Variants in SLCO1A2 observed in about 807,000 individuals in gnomAD.
The protein encoded by SLCO1A2 is OATP-1.
Under a neutral mutation model 69.0 loss-of-function variants are expected in SLCO1A2, and 67 were observed. The ratio of observed to expected loss-of-function variants is 0.97; its 90% CI spans 0.80 to 1.19. SLCO1A2 has a LOEUF of 1.19. Among genes scored for constraint, SLCO1A2 ranks in the 50% most tolerant of loss-of-function variants. The pLI, the probability that SLCO1A2 is intolerant of heterozygous loss-of-function variation, is 0.00. For missense variants in SLCO1A2, 787 were observed against 793.7 expected (o/e 0.99, Z 0.10); for synonymous variants, 260 against 265.9 (o/e 0.98, Z 0.22).
At chr12:21,389,947 C>T (rs1004822360) in intron 1 of SLCO1A2, among the ~76,000 whole-genome samples, 11 of 149,934 alleles carry the variant, frequency 7.3e-5, no homozygotes, top group African/African-American at 2.2e-4. Context: ...TACTAATATA[C>T]TTTTATGTTA....
chr12:21,410,489 A>G (rs1311866881), intron 1 of SLCO1A2, among the ~76,000 whole-genome samples: 2 of 152,206 alleles, frequency 1.3e-5, no homozygotes, highest in Non-Finnish European at 2.9e-5. Flanking sequence ...GTAGAATAGT[A>G]TACTGGGCAA....
intron 12 of SLCO1A2, among the ~76,000 whole-genome samples, chr12:21,291,866 G>A (rs1946910082): frequency 1.3e-5 from 2 of 151,994 alleles, no homozygotes; most frequent in Non-Finnish European, 2.9e-5. Context: ...CATTTTATAC[G>A]GCCTACCCTA....
chr12:21,298,883 G>A (rs1326748606), intron 8 of SLCO1A2, among the ~76,000 whole-genome samples: 4 of 152,066 alleles, frequency 2.6e-5, no homozygotes, highest in Non-Finnish European at 5.9e-5. Flanking sequence ...GACCAAAGAT[G>A]TATTAAATTA....
chr12:21,299,534 A>T (rs1948250896), intron 8 of SLCO1A2, among the ~76,000 whole-genome samples: 1 of 150,366 alleles, frequency 6.7e-6, no homozygotes, highest in Non-Finnish European at 1.5e-5. Context: ...CCCTCTACCA[A>T]GTATAGAGAG....
At chr12:21,360,808 T>C (rs1274490929) in intron 2 of SLCO1A2, among the ~76,000 whole-genome samples, 1 of 152,082 alleles carries the variant, frequency 6.6e-6, no homozygotes, top group Non-Finnish European at 1.5e-5. Flanking sequence ...CAGTCTGAGA[T>C]GGAACTGCAA....
chr12:21,394,545 A>T (rs1035136278), intron 1 of SLCO1A2, among the ~76,000 whole-genome samples: 4 of 128,872 alleles, frequency 3.1e-5, no homozygotes, highest in Admixed American at 1.6e-4. Flanking sequence ...CTGTCTCAAA[A>T]ATAACACACG....
At chr12:21,387,854 T>A (rs1940961901) in intron 1 of SLCO1A2, among the ~76,000 whole-genome samples, 1 of 152,018 alleles carries the variant, frequency 6.6e-6, no homozygotes, top group South Asian at 2.1e-4. Flanking sequence ...CACCAGCCCA[T>A]AAAATCAGCC....
intron 6 of SLCO1A2, among the ~76,000 whole-genome samples, chr12:21,303,158 A>G (rs1948930818): frequency 6.6e-6 from 1 of 152,156 alleles, no homozygotes; most frequent in Non-Finnish European, 1.5e-5. Flanking sequence ...CTACATATAT[A>G]TAGTACTAAT....
intron 1 of SLCO1A2, among the ~76,000 whole-genome samples, chr12:21,381,688 T>C (rs1170841919): frequency 1.3e-5 from 2 of 151,922 alleles, no homozygotes; most frequent in African/African-American, 4.8e-5. Flanking sequence ...CCCAGCTACT[T>C]GGGAGGCTGA....
At chr12:21,300,070 G>GTA (rs1294736455) in intron 8 of SLCO1A2, among the ~76,000 whole-genome samples, 21 of 148,550 alleles carry the variant, frequency 1.4e-4, no homozygotes, top group South Asian at 2.1e-4. Flanking sequence ...ATATGTGTGT[G>GTA]TATATATATA....
rs553337767 is a variant in SLCO1A2, at chr12:21,360,899, C to T, written c.-63+13500G>A. Among the ~76,000 whole-genome samples, 7 of 152,246 alleles carry T rather than the reference C, an allele frequency of 4.6e-5. No individual in the cohort carries two copies. The South Asian group carries it at 6.2e-4, about 14-fold the overall frequency. On this transcript the variant is annotated intron_variant, in intron 2 of 15. Coordinates refer to the SLCO1A2 transcript ENST00000307378. ...AACAAAGCAGCTAGGAACTCGAACT[C>T]GGTGGAGCCCACCGCAGCTCAAGGA...
chr12:21,359,135 T>C (rs1938611980), intron 2 of SLCO1A2, among the ~76,000 whole-genome samples: 1 of 152,158 alleles, frequency 6.6e-6, no homozygotes, highest in Non-Finnish European at 1.5e-5. Flanking sequence ...GACTAAAAAC[T>C]AGAAGATTTT....
At chr12:21,359,083 T>A (rs1296621463) in intron 2 of SLCO1A2, among the ~76,000 whole-genome samples, 2 of 152,138 alleles carry the variant, frequency 1.3e-5, no homozygotes, top group African/African-American at 4.8e-5. Context: ...AGTCTAGGGA[T>A]TTTTAGACCC....
At chr12:21,354,413 A>T (rs768769658) in intron 2 of SLCO1A2, among the ~76,000 whole-genome samples, 1 of 152,250 alleles carries the variant, frequency 6.6e-6, no homozygotes, top group Non-Finnish European at 1.5e-5. Context: ...ATTAGGTGAC[A>T]ATAAGTAAAG....
intron 3 of SLCO1A2, among the ~76,000 whole-genome samples, chr12:21,315,255 T>G (rs2136697937): frequency 6.6e-6 from 1 of 152,228 alleles, no homozygotes; most frequent in South Asian, 2.1e-4. Flanking sequence ...GAAGTAAAAA[T>G]TAGTAGACCC....
chr12:21,276,561 A>AAAC lies in SLCO1A2; in HGVS notation c.1611-1138_1611-1137insGTT, dbSNP rs1555105455. Among the ~76,000 whole-genome samples the AAAC allele has an allele frequency of 1.2e-3, 183 of 152,124 alleles. 4 individuals are homozygous for AAAC. Among genetic ancestry groups the AAAC allele is most frequent in the African/African-American group, 4.1e-3 (172 of 41,458 alleles). ...ATCTACATACAAAAAAAAACCAAAA[A>AAAC]AAACCTTTGTAAGAATGAAAAATCA... On this transcript the variant is annotated intron_variant, in intron 12 of 14. Transcript: ENST00000683939.
chr12:21,350,580 T>C (rs1937857570), intron 2 of SLCO1A2, among the ~76,000 whole-genome samples: 1 of 152,082 alleles, frequency 6.6e-6, no homozygotes, highest in Admixed American at 6.6e-5. Flanking sequence ...CTCACGCCTG[T>C]AATCCCAGCA....
rs949783872 is a variant in SLCO1A2 at position 21,401,043 on chromosome 12, A to C, written c.-312+16839T>G. On this transcript the variant is annotated intron_variant, in intron 1 of 4. Coordinates refer to the SLCO1A2 transcript ENST00000413682. ...AAAGTATAATAATAAAAAAAAAGACAAAAAAAAAATCAGGAACAAATAAAG... is the reference window on the plus strand; with the variant it reads ...AAAGTATAATAATAAAAAAAAAGACCAAAAAAAAATCAGGAACAAATAAAG... Among the ~76,000 whole-genome samples, 14 of 106,712 alleles carry C rather than the reference A, an allele frequency of 1.3e-4. No homozygotes were observed. In the East Asian group the frequency reaches 7.1e-3, roughly 54 times the overall value. 70.0% of individuals were successfully genotyped at this position (106,712 alleles called of 152,430 possible). A position where few individuals can be genotyped will look rare whatever the true frequency, so the allele number is the denominator to read the frequency against.
At chr12:21,283,397 C>A (rs1245813420) in intron 12 of SLCO1A2, among the ~76,000 whole-genome samples, 1 of 152,080 alleles carries the variant, frequency 6.6e-6, no homozygotes, top group Non-Finnish European at 1.5e-5. Context: ...ACCCATATTT[C>A]TTGCCATATT....
Sources: allele counts gnomAD v4.1 joint callset (sites outside exome capture counted in the v4.1 genomes callset), GRCh38; gene constraint gnomAD v4.1.1; transcripts MANE v1.5; gene names NCBI Gene and HGNC (gene_info 2026-07-23, HGNC 2026-07-21).